The following FATE1 variants were observed in gnomAD, a reference collection of about 807,000 sequenced individuals.
The protein encoded by FATE1 is fetal and adult testis expressed 1.
In FATE1, 18 loss-of-function variants were observed where a neutral mutation model predicts 16.0. That is an observed-to-expected ratio of 1.12 (90% CI 0.78 to 1.66). The LOEUF (loss-of-function observed/expected upper bound fraction) is 1.66, where lower values mean the gene tolerates loss of function less well. Ranked by LOEUF, FATE1 falls within the 40% of genes most tolerant of loss-of-function variation. FATE1 has a pLI of 0.00. For missense variants in FATE1, 169 were observed against 152.7 expected (o/e 1.11, Z -0.56); for synonymous variants, 76 against 56.9 (o/e 1.34, Z -1.51).
intron 1 of FATE1, among the ~76,000 whole-genome samples, 179 bp downstream of exon 1, chrX:151,716,404 A>G (rs1227087749): frequency 4.5e-5 from 5 of 111,917 alleles, no homozygotes; most frequent in Non-Finnish European, 9.4e-5. Context: ...AAAGGGATAG[A>G]TGATGTGAGC....
Position 151,721,896 on chromosome X carries a change from C to T in FATE1, c.342-7C>T, listed in dbSNP as rs754586884. ...AGCTTTGACCATCTGTCTTTTTTCTCTCCCAGCAACCCAGGGACAGATGCA... is the reference window on the plus strand; with the variant it reads ...AGCTTTGACCATCTGTCTTTTTTCTTTCCCAGCAACCCAGGGACAGATGCA... On this transcript the variant is annotated splice_polypyrimidine_tract_variant and splice_region_variant and intron_variant, in intron 3 of 4. Coordinates refer to ENST00000370350, the MANE Select transcript of FATE1 (RefSeq NM_033085.3). The T allele has an allele frequency of 3.3e-6, 4 of 1,206,419 alleles. No individual in the cohort carries two copies. Among genetic ancestry groups the T allele is most frequent in the Non-Finnish European group, 4.5e-6 (4 of 893,072 alleles).
chrX:151,716,143 C>G lies in FATE1; in HGVS notation c.24C>G (p.Thr8=). MAGGPPN[T]KAEMEMSLAE... ...TGATGGCAGGAGGCCCTCCCAACAC[C>G]AAGGCGGAGATGGAAATGTCCCTGG... Residue 8 remains threonine, a synonymous_variant, in exon 1 of 5, where the codon ACC becomes ACG. Transcript: ENST00000370350. The G allele has an allele frequency of 8.6e-7, 1 of 1,167,199 alleles. No homozygotes were observed. The highest frequency in any genetic ancestry group is 1.1e-6 in the Non-Finnish European group (1 of 872,715).
chrX:151,722,323 C>A (rs2015123935), intron 4 of FATE1, among the ~76,000 whole-genome samples: 1 of 112,342 alleles, frequency 8.9e-6, no homozygotes, highest in South Asian at 3.7e-4. Flanking sequence ...CAAACCCAGA[C>A]CTTCTTAGGA....
In FATE1 at chrX:151,722,728, T is replaced by C. The variant is rs1210073100; in HGVS notation, c.521T>C (p.Ile174Thr). Residue 174 changes from isoleucine (I) to threonine (T), a missense_variant, in exon 5 of 5, where the codon ATT (isoleucine) becomes ACT (threonine). Ile to Thr is a moderately conservative substitution (Grantham distance 89). Transcript: ENST00000370350. ...LIIAVLVSAS[I>T]ANLWLWMNQ ...ATCGCCGTGCTGGTGTCGGCCAGCA[T>C]TGCCAACCTGTGGCTGTGGATGAAC... 1 of 1,211,696 alleles carries C rather than the reference T, an allele frequency of 8.3e-7. No homozygotes were observed. Among genetic ancestry groups the C allele is most frequent in the Non-Finnish European group, 1.1e-6 (1 of 895,252 alleles).
At chrX:151,721,759 C>T (rs1195443438) in intron 3 of FATE1, 144 bp from the exon 4 acceptor site, 2 of 596,850 alleles carry the variant, frequency 3.4e-6, no homozygotes, top group Admixed American at 2.6e-5. Flanking sequence ...GCCCTAGGCC[C>T]TCTTTACCAT....
chrX:151,722,015 A>G, intron 4 of FATE1, 34 bp downstream of exon 4: 1 of 1,153,248 alleles, frequency 8.7e-7, no homozygotes, highest in Non-Finnish European at 1.2e-6. Context: ...GTGCAAGCAG[A>G]ATCACAGTGC....
intron 2 of FATE1, among the ~76,000 whole-genome samples, chrX:151,720,937 C>T (rs1049218311): frequency 3.6e-5 from 4 of 112,236 alleles, no homozygotes; most frequent in Non-Finnish European, 7.5e-5. Context: ...GCTGAGCTTA[C>T]CCAGAGGAGT....
intron 2 of FATE1, among the ~76,000 whole-genome samples, chrX:151,718,113 G>A (rs1406594068): frequency 5.1e-4 from 7 of 13,857 alleles, no homozygotes; most frequent in African/African-American, 3.8e-3. Context: ...AGAGAGAGAG[G>A]AAGGAAGGAA....
intron 1 of FATE1, 152 bp downstream of exon 1, chrX:151,716,377 G>T (rs1188511475): frequency 6.6e-6 from 3 of 455,226 alleles, no homozygotes; most frequent in Non-Finnish European, 1.1e-5. Context: ...GTGGGTTGAT[G>T]TAAGGGAGCT....
chrX:151,720,415 A>C (rs1245749810), intron 2 of FATE1, among the ~76,000 whole-genome samples: 3 of 111,810 alleles, frequency 2.7e-5, no homozygotes, highest in African/African-American at 9.8e-5. Context: ...TACTGTCTTC[A>C]CTGGCAATTA....
At chrX:151,720,638 C>T (rs955652491) in intron 2 of FATE1, among the ~76,000 whole-genome samples, 4 of 112,030 alleles carry the variant, frequency 3.6e-5, no homozygotes, top group East Asian at 2.8e-4. Flanking sequence ...AGGGCTGTGA[C>T]GAGGAATCAG....
chrX:151,716,182 T>C lies in FATE1; in HGVS notation c.63T>C (p.Asn21=). The part of the protein sequence containing the change: ...EMEMSLAEEL[N]HGRQGENQEH... ...AAATGTCCCTGGCAGAAGAACTGAA[T>C]CATGGACGCCAAGGGGAAAACCAAG... The change falls in exon 1 of 5, where the codon AAT becomes AAC. Residue 21 remains asparagine (N), a synonymous_variant. Coordinates refer to ENST00000370350, the MANE Select transcript of FATE1 (RefSeq NM_033085.3). The C allele has an allele frequency of 1.7e-6, 2 of 1,167,640 alleles. No homozygotes were observed. The highest frequency in any genetic ancestry group is 3.3e-5 in the East Asian group (1 of 30,749).
chrX:151,716,311 G>A, intron 1 of FATE1, 86 bp downstream of exon 1: 1 of 820,241 alleles, frequency 1.2e-6, no homozygotes, highest in South Asian at 2.9e-5. Flanking sequence ...TGGAAAAGGT[G>A]CATGTGTGCA....
chrX:151,719,082 G>A (rs1480317099), intron 2 of FATE1, among the ~76,000 whole-genome samples: 1 of 111,757 alleles, frequency 8.9e-6, no homozygotes, highest in African/African-American at 3.3e-5. Flanking sequence ...TATAATCTCT[G>A]GTTTAATTAA....
At chrX:151,720,661 G>T (rs190378097) in intron 2 of FATE1, among the ~76,000 whole-genome samples, 79 of 112,146 alleles carry the variant, frequency 7.0e-4, no homozygotes, top group Non-Finnish European at 1.2e-3. Flanking sequence ...ACTTAGTATT[G>T]GTAAGGGCTT....
At chrX:151,717,507 G>A (rs1329407462) in intron 2 of FATE1, 108 bp downstream of exon 2, 2 of 913,574 alleles carry the variant, frequency 2.2e-6, no homozygotes, top group East Asian at 3.6e-5. Context: ...TGACTTGTGA[G>A]GAGGAGGAAG....
At chrX:151,717,216 A>G in intron 1 of FATE1, 56 bp from the exon 2 acceptor site, 9 of 1,168,643 alleles carry the variant, frequency 7.7e-6, no homozygotes, top group Non-Finnish European at 1.0e-5. Flanking sequence ...TTTGTGCCCA[A>G]GAAACCCTGG....
rs55668838 is a variant in FATE1, at chrX:151,722,864, C to T, written c.*105C>T. ...CTTGCCCCTTTCATCTCCCAGCAGC[C>T]CTCAGGAGCGTCAGGATCATTTTCA... On this transcript the variant is annotated 3_prime_UTR_variant, in exon 5 of 5. Coordinates refer to ENST00000370350, the MANE Select transcript of FATE1 (RefSeq NM_033085.3). The T allele has an allele frequency of 0.031, 31,781 of 1,020,873 alleles. 398 individuals carry two copies. The highest frequency in any genetic ancestry group is 0.038 in the Middle Eastern group (97 of 2,566). The allele number at this position is 1,020,873 out of a possible 1,213,427, so 84.1% of individuals were successfully genotyped here.
Position 151,722,650 on chromosome X carries a change from T to G in FATE1, c.443T>G (p.Leu148Arg), listed in dbSNP as rs1603000491. The G allele has an allele frequency of 8.3e-7, 1 of 1,211,491 alleles. No individual in the cohort carries two copies. Among genetic ancestry groups the G allele is most frequent in the East Asian group, 3.0e-5 (1 of 33,761 alleles). Residue 148 changes from leucine to arginine, a missense_variant, in exon 5 of 5, where the codon CTG becomes CGG. Leu to Arg is a moderately radical substitution (Grantham distance 102, BLOSUM62 -2). Transcript: ENST00000370350. ...RRQLYAVNRR[L>R]RALEEQGATW... ...CAGCTGTATGCAGTCAACCGGCGTC[T>G]GCGCGCCCTGGAGGAACAGGGCGCC...
Sources: allele counts gnomAD v4.1 joint callset (sites outside exome capture counted in the v4.1 genomes callset), GRCh38; gene constraint gnomAD v4.1.1; transcripts MANE v1.5; gene names NCBI Gene and HGNC (gene_info 2026-07-23, HGNC 2026-07-21).